DCC: variants seen among roughly 807,000 people sequenced by gnomAD.
DCC encodes the protein DCC netrin 1 receptor.
DCC carries 58 observed loss-of-function variants against 172.5 expected under a neutral mutation model. That is an observed-to-expected ratio of 0.34 (90% CI 0.27 to 0.42). DCC has a LOEUF of 0.42. DCC is among the 10% of genes least tolerant of loss of function. The probability of loss-of-function intolerance (pLI) is 1.00; values close to 1 mark genes in which losing one functional copy is unlikely to be tolerated. For missense variants in DCC, 1,740 were observed against 1,791.0 expected, an observed-to-expected ratio of 0.97 and a Z score of 0.51; for synonymous variants, 709 against 644.5, an observed-to-expected ratio of 1.10 and a Z score of -1.52.
intron 2 of DCC, among the ~76,000 whole-genome samples, chr18:52,818,418 T>TAAAAAAAAAAAA: frequency 1.0e-5 from 1 of 97,094 alleles, no homozygotes; most frequent in East Asian, 3.6e-4. Context: ...TCTCAAAAAG[T>TAAAAAAAAAAAA]AAAAAAAAAA....
intron 1 of DCC, among the ~76,000 whole-genome samples, chr18:52,717,576 C>T (rs750357763): frequency 2.6e-5 from 4 of 151,826 alleles, no homozygotes; most frequent in Admixed American, 1.3e-4. Flanking sequence ...AGTGAACAGT[C>T]ATCCAGAGAG....
intron 1 of DCC, among the ~76,000 whole-genome samples, chr18:52,560,782 A>G (rs1447681175): frequency 2.0e-5 from 3 of 152,114 alleles, no homozygotes; most frequent in African/African-American, 7.2e-5. Context: ...TTTTATTTGG[A>G]TGTGAGAATG....
chr18:53,106,570 A>G (rs929272738), intron 7 of DCC, among the ~76,000 whole-genome samples: 9 of 151,952 alleles, frequency 5.9e-5, no homozygotes, highest in African/African-American at 2.2e-4. Context: ...TTAAGGTTCA[A>G]CAATTGAAGA....
intron 5 of DCC, among the ~76,000 whole-genome samples, chr18:52,947,569 G>A (rs115703715): frequency 0.012 from 1,872 of 152,226 alleles, 39 homozygotes; most frequent in African/African-American, 0.042. Flanking sequence ...GTAACTACAC[G>A]TATCCCACTG....
At chr18:52,787,200 A>C (rs1188875426) in intron 2 of DCC, among the ~76,000 whole-genome samples, 1 of 152,182 alleles carries the variant, frequency 6.6e-6, no homozygotes, top group Non-Finnish European at 1.5e-5. Flanking sequence ...TCCATTAGTT[A>C]ACTCTTGTTT....
chr18:52,730,665 A>G (rs183727803), intron 1 of DCC, among the ~76,000 whole-genome samples: 3 of 152,294 alleles, frequency 2.0e-5, no homozygotes, highest in Admixed American at 2.0e-4. Context: ...GCAAGCTGAC[A>G]CTGGCTGAAT....
intron 5 of DCC, among the ~76,000 whole-genome samples, chr18:52,993,146 C>A: frequency 6.6e-6 from 1 of 151,856 alleles, no homozygotes. Context: ...ATATCTCTGA[C>A]AAGAAAAGGA....
intron 2 of DCC, among the ~76,000 whole-genome samples, chr18:52,870,271 G>T (rs888267620): frequency 6.6e-6 from 1 of 152,176 alleles, no homozygotes; most frequent in Non-Finnish European, 1.5e-5. Context: ...GTCCCGTGGG[G>T]GTGGGGGCTG....
At chr18:52,909,330 A>G (rs1350604426) in intron 3 of DCC, among the ~76,000 whole-genome samples, 2 of 152,204 alleles carry the variant, frequency 1.3e-5, no homozygotes, top group Non-Finnish European at 2.9e-5. Flanking sequence ...ATGGTACCAG[A>G]ATGGTTAGAA....
chr18:53,445,814 T>TA (rs1019402850), intron 22 of DCC, among the ~76,000 whole-genome samples: 5 of 151,928 alleles, frequency 3.3e-5, no homozygotes, highest in African/African-American at 1.2e-4. Flanking sequence ...CATGAGATGG[T>TA]AAAAAATGTG....
At chr18:52,879,838 T>C (rs954373865) in intron 2 of DCC, among the ~76,000 whole-genome samples, 30 of 152,194 alleles carry the variant, frequency 2.0e-4, no homozygotes, top group African/African-American at 6.5e-4. Context: ...TTTTATGATA[T>C]TGAAATTAAA....
intron 14 of DCC, among the ~76,000 whole-genome samples, chr18:53,334,883 G>A (rs576810110): frequency 3.3e-5 from 5 of 152,280 alleles, no homozygotes; most frequent in Non-Finnish European, 7.3e-5. Flanking sequence ...TGTAAATGAT[G>A]CTGCTATCAA....
At chr18:53,425,357 C>CTCTTTT (rs1384934198) in intron 21 of DCC, among the ~76,000 whole-genome samples, 2 of 101,632 alleles carry the variant, frequency 2.0e-5, no homozygotes, top group Non-Finnish European at 3.9e-5. Flanking sequence ...TTTCTCCTCT[C>CTCTTTT]TTTTTTTTTT....
chr18:53,136,211 A>ATCTATC (rs138628052), intron 7 of DCC, among the ~76,000 whole-genome samples: 70 of 150,348 alleles, frequency 4.7e-4, no homozygotes, highest in African/African-American at 1.3e-3. Context: ...CTATCTATCT[A>ATCTATC]TATATATATA....
At chr18:52,874,472 AT>A (rs756783545) in intron 2 of DCC, among the ~76,000 whole-genome samples, 21 of 152,204 alleles carry the variant, frequency 1.4e-4, no homozygotes, top group Admixed American at 2.0e-4. Context: ...GTTATAATCA[AT>A]TTTTAGTTTA....
intron 3 of DCC, among the ~76,000 whole-genome samples, chr18:52,910,439 A>G (rs2039955996): frequency 6.6e-6 from 1 of 152,146 alleles, no homozygotes; most frequent in Admixed American, 6.6e-5. Context: ...GACAAATTGA[A>G]TTTTTGCTAT....
chr18:53,374,850 A>G (rs188049559), intron 15 of DCC, among the ~76,000 whole-genome samples: 20 of 152,322 alleles, frequency 1.3e-4, no homozygotes, highest in Non-Finnish European at 2.1e-4. Flanking sequence ...AAGAGTTAAA[A>G]ATGCAATCTG....
At chr18:53,082,628 T>C (rs1234801603) in intron 7 of DCC, among the ~76,000 whole-genome samples, 1 of 152,160 alleles carries the variant, frequency 6.6e-6, no homozygotes, top group African/African-American at 2.4e-5. Flanking sequence ...TTATACATTG[T>C]AAATTAGTAA....
At chr18:52,424,689 T>G (rs960063992) in intron 1 of DCC, among the ~76,000 whole-genome samples, 1 of 152,070 alleles carries the variant, frequency 6.6e-6, no homozygotes, top group African/African-American at 2.4e-5. Context: ...TTTTTCTAAA[T>G]TGTGCAAAGC....
Sources: allele counts gnomAD v4.1 joint callset (sites outside exome capture counted in the v4.1 genomes callset), GRCh38; gene constraint gnomAD v4.1.1; transcripts MANE v1.5; gene names NCBI Gene and HGNC (gene_info 2026-07-23, HGNC 2026-07-21).